Variants in ENTPD6 observed in about 807,000 individuals in gnomAD.
ENTPD6 encodes CD39 antigen-like 2.
In ENTPD6, 46 loss-of-function variants were observed where a neutral mutation model predicts 61.5. The ratio of observed to expected loss-of-function variants is 0.75; its 90% CI spans 0.59 to 0.96. ENTPD6 has a LOEUF of 0.96. Ranked by LOEUF, ENTPD6 falls within the 40% of genes least tolerant of loss-of-function variation. The pLI is 0.00. For synonymous variants in ENTPD6, 252 were observed against 255.5 expected (o/e 0.99, Z 0.13); for missense variants, 612 against 629.0 (o/e 0.97, Z 0.29).
rs962265444 is a variant in ENTPD6 at position 25,221,266 on chromosome 20, G to A, written c.978G>A (p.Leu326=). The change falls in exon 11 of 15, where the codon TTG becomes TTA. Residue 326 remains leucine, a synonymous_variant. Transcript: ENST00000376652. The part of the protein sequence containing the change: ...KDGKELVSPC[L]SPSFKGEWEH... ...GAAAGGAGTTGGTCAGCCCTTGCTT[G>A]TCTCCCAGTTTCAAAGGAGAGTGGG... The A allele has an allele frequency of 6.2e-7, 1 of 1,614,014 alleles. No homozygotes were observed. The highest frequency in any genetic ancestry group is 8.5e-7 in the Non-Finnish European group (1 of 1,179,996).
intron 1 of ENTPD6, among the ~76,000 whole-genome samples, chr20:25,200,895 G>A (rs906898413): frequency 7.3e-5 from 11 of 151,612 alleles, no homozygotes; most frequent in Non-Finnish European, 1.2e-4. Flanking sequence ...TACTTAAGGT[G>A]TACAGTTAGG....
chr20:25,196,063 G>A (rs1235564939), intron 1 of ENTPD6, 196 bp downstream of exon 1: 5 of 922,020 alleles, frequency 5.4e-6, no homozygotes, highest in Non-Finnish European at 7.1e-6. Flanking sequence ...CCGGTGGGGG[G>A]CAAGTCCAGT....
intron 2 of ENTPD6, 85 bp from the exon 3 acceptor site, chr20:25,206,991 T>G (rs919595169): frequency 1.6e-6 from 2 of 1,262,066 alleles, no homozygotes; most frequent in African/African-American, 3.0e-5. Context: ...GTTGAACATT[T>G]TGTCCCTGGG....
At chr20:25,195,929 C>G in intron 1 of ENTPD6, 62 bp downstream of exon 1, 2 of 1,049,474 alleles carry the variant, frequency 1.9e-6, no homozygotes, top group Non-Finnish European at 2.3e-6. Context: ...AGGCGGGCCT[C>G]CCCCACGCGG....
chr20:25,216,507 C>A, intron 7 of ENTPD6, 141 bp from the exon 8 acceptor site: 1 of 631,658 alleles, frequency 1.6e-6, no homozygotes, highest in South Asian at 1.9e-5. Context: ...ATATAGTGTA[C>A]CCTTAAATGG....
At chr20:25,201,792 T>G (rs558983878) in intron 1 of ENTPD6, among the ~76,000 whole-genome samples, 8 of 152,234 alleles carry the variant, frequency 5.3e-5, no homozygotes, top group Non-Finnish European at 7.3e-5. Context: ...CATGGCTTAC[T>G]GCAGCCTTGA....
rs78295085 is a variant in ENTPD6 at position 25,200,239 on chromosome 20, T to C, written c.-16+4372T>C. Among the ~76,000 whole-genome samples the C allele has an allele frequency of 1.9e-3, 284 of 152,382 alleles. 3 individuals are homozygous for C. The East Asian group carries it at 0.038, about 20-fold the overall frequency. On this transcript the variant is annotated intron_variant, in intron 1 of 14. Coordinates refer to ENST00000376652, the MANE Select transcript of ENTPD6 (RefSeq NM_001247.5). ...ATTCATGATGTTGAGCCTCTTTTTG[T>C]ATGCTTTTTATCTGTTATTTTTTAA... is the stretch of plus-strand genomic sequence containing the variant.
chr20:25,210,017 G>A, intron 4 of ENTPD6, 92 bp downstream of exon 4: 1 of 1,174,538 alleles, frequency 8.5e-7, no homozygotes, highest in Non-Finnish European at 1.3e-6. Flanking sequence ...TCTTCACAAA[G>A]GAAGGGGGCT....
In ENTPD6 at chr20:25,222,894, G is replaced by A. The variant is rs1240094662; in HGVS notation, c.1102G>A (p.Val368Met). Reference sequence around the variant, plus strand: ...AGTGTCAGAGGTCCTTCAAAACAGAGTGCACAGGACGGAGGAAGTGAAGCA... The same window carrying A: ...AGTGTCAGAGGTCCTTCAAAACAGAATGCACAGGACGGAGGAAGTGAAGCA... ...ARVSEVLQNR[V>M]HRTEEVKHVD... The change falls in exon 12 of 15, where the codon GTG becomes ATG. Residue 368 changes from valine to methionine, a missense_variant. Val to Met is a conservative substitution (Grantham distance 21). Transcript: ENST00000376652. 17 of 1,614,172 alleles carry A rather than the reference G, an allele frequency of 1.1e-5. No homozygotes were observed. Among genetic ancestry groups the A allele is most frequent in the African/African-American group, 2.7e-5 (2 of 75,060 alleles).
intron 4 of ENTPD6, among the ~76,000 whole-genome samples, chr20:25,210,876 A>C (rs1292008628): frequency 6.6e-6 from 1 of 152,236 alleles, no homozygotes. Flanking sequence ...TGGGAAGCAG[A>C]GGTTGCAGTA....
At chr20:25,203,392 T>C (rs6050432) in intron 1 of ENTPD6, among the ~76,000 whole-genome samples, 83,096 of 152,112 alleles carry the variant, frequency 0.55, 23,714 homozygotes, top group East Asian at 0.92. Flanking sequence ...CTTTCTTAGA[T>C]TTCCATAATG....
intron 1 of ENTPD6, chr20:25,196,391 C>G (rs2090414937): frequency 4.6e-6 from 1 of 219,390 alleles, no homozygotes; most frequent in Admixed American, 6.5e-5. Context: ...TGCCCTGGAC[C>G]GAGGGAGGGA....
chr20:25,217,874 C>A (rs565735698), intron 9 of ENTPD6, among the ~76,000 whole-genome samples: 11 of 144,644 alleles, frequency 7.6e-5, no homozygotes, highest in African/African-American at 2.8e-4. Context: ...CGCACATTAA[C>A]CCAGACCTCT....
At chr20:25,220,571 T>C (rs1324675670) in intron 10 of ENTPD6, among the ~76,000 whole-genome samples, 1 of 152,144 alleles carries the variant, frequency 6.6e-6, no homozygotes, top group Non-Finnish European at 1.5e-5. Context: ...ACCTGGGCGC[T>C]CTTCCACATG....
Position 25,215,844 on chromosome 20 carries a change from T to C in ENTPD6, c.709+133T>C. The C allele has an allele frequency of 3.1e-6, 3 of 958,432 alleles. No homozygotes were observed. In the Admixed American group the frequency reaches 5.3e-5, roughly 17 times the overall value. The allele number at this position is 958,432 out of a possible 1,614,324, so 59.4% of individuals were successfully genotyped here. ...CTCAGGGTTTGGCAGTGTTGCTGAC[T>C]GACCATAGGGTGTTGGGGATGGGTG... On this transcript the variant is annotated intron_variant, in intron 7 of 14. Transcript: ENST00000376652.
At chr20:25,201,769 G>A (rs1271148997) in intron 1 of ENTPD6, among the ~76,000 whole-genome samples, 1 of 152,226 alleles carries the variant, frequency 6.6e-6, no homozygotes, top group Non-Finnish European at 1.5e-5. Flanking sequence ...AGTCTAGAAT[G>A]CAGTGGTGTA....
intron 11 of ENTPD6, chr20:25,221,757 G>A (rs2092640435): frequency 3.2e-6 from 1 of 308,852 alleles, no homozygotes; most frequent in Admixed American, 4.5e-5. Flanking sequence ...GCAGGCTCTA[G>A]TGCTCTGCAC....
chr20:25,196,859 A>C (rs865852381), intron 1 of ENTPD6, among the ~76,000 whole-genome samples: 37 of 152,058 alleles, frequency 2.4e-4, no homozygotes, highest in African/African-American at 8.9e-4. Context: ...CCTTGGAGAG[A>C]GTGGCTGGCT....
chr20:25,196,275 C>T, intron 1 of ENTPD6: 1 of 1,027,262 alleles, frequency 9.7e-7, no homozygotes, highest in South Asian at 4.7e-5. Flanking sequence ...GCCGCTCGGA[C>T]AGGACTGAGG....
Sources: gnomAD v4.1 joint callset for allele counts (sites outside exome capture counted in the v4.1 genomes callset) on GRCh38, gnomAD v4.1.1 for gene constraint, MANE v1.5 for transcripts, NCBI Gene and HGNC (gene_info 2026-07-23, HGNC 2026-07-21) for gene names.